Variants in GPR63 observed in about 807,000 individuals in gnomAD.
GPR63 encodes probable G protein-coupled receptor 63.
GPR63 carries 12 observed loss-of-function variants against 23.1 expected under a neutral mutation model. The observed-to-expected ratio is 0.52, with a 90% confidence interval of 0.33 to 0.84. GPR63 has a LOEUF of 0.84. GPR63 is among the 40% of genes least tolerant of loss of function. The pLI, the probability that GPR63 is intolerant of heterozygous loss-of-function variation, is 0.02. For synonymous variants in GPR63, 172 were observed against 191.1 expected, an observed-to-expected ratio of 0.90 and a Z score of 0.82; for missense variants, 472 against 515.6, an observed-to-expected ratio of 0.92 and a Z score of 0.82.
At chr6:96,811,882 AAAT>A (rs1481909327) in intron 1 of GPR63, among the ~76,000 whole-genome samples, 118 of 137,076 alleles carry the variant, frequency 8.6e-4, no homozygotes, top group African/African-American at 2.8e-3. Context: ...ATAAATAAAT[AAAT>A]AAATAAAATA....
chr6:96,810,073 A>G (rs1774002488), intron 1 of GPR63, among the ~76,000 whole-genome samples: 1 of 152,220 alleles, frequency 6.6e-6, no homozygotes, highest in Non-Finnish European at 1.5e-5. Context: ...TTAATATTAA[A>G]CAATTTAAAT....
At chr6:96,819,750 A>AC (rs1562122212) in intron 1 of GPR63, among the ~76,000 whole-genome samples, 6 of 151,898 alleles carry the variant, frequency 4.0e-5, no homozygotes, top group Non-Finnish European at 8.8e-5. Context: ...AAACAAAAAA[A>AC]AACGGGTAGA....
chr6:96,796,287 GCA>G lies in GPR63; in HGVS notation c.*2183_*2184del, dbSNP rs1773577038. On this transcript the variant is annotated 3_prime_UTR_variant, in exon 2 of 2. Transcript: ENST00000229955. ...AATCTATACCCTAGTATAGAGGAAA[GCA>G]CATTTGAGCTGGACAGGACGTTAGA... 6.6e-6 allele frequency: 1 copy of G among 152,180 alleles called. No homozygotes were observed. The highest frequency in any genetic ancestry group is 2.4e-5 in the African/African-American group (1 of 41,442). The allele number at this position is 152,180 out of a possible 1,614,324, so 9.4% of individuals were successfully genotyped here. A position where few individuals can be genotyped will look rare whatever the true frequency, so the allele number is the denominator to read the frequency against.
At chr6:96,811,626 T>C (rs979770051) in intron 1 of GPR63, among the ~76,000 whole-genome samples, 18 of 151,996 alleles carry the variant, frequency 1.2e-4, no homozygotes, top group African/African-American at 4.1e-4. Context: ...AATTGCAAAC[T>C]AAGAGAGGAA....
Position 96,796,591 on chromosome 6 carries a change from C to T in GPR63, c.*1881G>A, listed in dbSNP as rs1472055785. On this transcript the variant is annotated 3_prime_UTR_variant, in exon 2 of 2. Coordinates refer to ENST00000229955, the MANE Select transcript of GPR63 (RefSeq NM_030784.4). Reference sequence around the variant, plus strand: ...GAGAAAAACAATTTGAAATGTCAGACATGCCCTATTAAAACTTGTTCTAGG... The same window carrying T: ...GAGAAAAACAATTTGAAATGTCAGATATGCCCTATTAAAACTTGTTCTAGG... The T allele has an allele frequency of 1.3e-5, 2 of 152,226 alleles. No homozygotes were observed. Among genetic ancestry groups the T allele is most frequent in the Non-Finnish European group, 2.9e-5 (2 of 68,058 alleles). The allele number at this position is 152,226 out of a possible 1,614,324, so 9.4% of individuals were successfully genotyped here. A position where few individuals can be genotyped will look rare whatever the true frequency, so the allele number is the denominator to read the frequency against.
chr6:96,811,476 C>T (rs1774042335), intron 1 of GPR63, among the ~76,000 whole-genome samples: 1 of 152,222 alleles, frequency 6.6e-6, no homozygotes, highest in Non-Finnish European at 1.5e-5. Context: ...ATCTCTCTCT[C>T]ATTCTGGGCC....
intron 1 of GPR63, among the ~76,000 whole-genome samples, chr6:96,827,736 T>A (rs1038166543): frequency 2.6e-5 from 4 of 152,036 alleles, no homozygotes; most frequent in African/African-American, 9.7e-5. Context: ...CAGAAGACAA[T>A]GAAATGATAT....
At chr6:96,822,700 T>C (rs1315064118) in intron 1 of GPR63, among the ~76,000 whole-genome samples, 1 of 152,184 alleles carries the variant, frequency 6.6e-6, no homozygotes, top group Non-Finnish European at 1.5e-5. Context: ...CTGCTTACAA[T>C]GGGAAACAAA....
chr6:96,825,320 GA>G (rs926679279), intron 1 of GPR63, among the ~76,000 whole-genome samples: 1 of 151,984 alleles, frequency 6.6e-6, no homozygotes, highest in Non-Finnish European at 1.5e-5. Context: ...AATTGAGCAG[GA>G]AAAAAATCAG....
At chr6:96,827,799 C>T (rs2127959566) in intron 1 of GPR63, among the ~76,000 whole-genome samples, 1 of 151,994 alleles carries the variant, frequency 6.6e-6, no homozygotes, top group Middle Eastern at 3.4e-3. Context: ...TTGTCACAAA[C>T]AAAAATCTCT....
rs561043460 is a variant in GPR63 at position 96,823,223 on chromosome 6, A to G, written c.-151+14045T>C. Among the ~76,000 whole-genome samples, 3 of 152,332 alleles carry G rather than the reference A, an allele frequency of 2.0e-5. No individual in the cohort carries two copies. The South Asian group carries it at 6.2e-4, about 32-fold the overall frequency. Reference sequence around the variant, plus strand: ...AGATTTCTAAAAGTTAACATAAAACAGCCTCAAGCACATCCTTCAGGAAGT... The same window carrying G: ...AGATTTCTAAAAGTTAACATAAAACGGCCTCAAGCACATCCTTCAGGAAGT... On this transcript the variant is annotated intron_variant, in intron 1 of 1. Transcript: ENST00000229955.
intron 1 of GPR63, among the ~76,000 whole-genome samples, chr6:96,818,968 T>C (rs934554124): frequency 1.3e-5 from 2 of 152,130 alleles, no homozygotes; most frequent in African/African-American, 4.8e-5. Context: ...AACCACAAGA[T>C]ACCATCTCAC....
chr6:96,810,481 C>G (rs563879122), intron 1 of GPR63, among the ~76,000 whole-genome samples: 1 of 143,644 alleles, frequency 7.0e-6, no homozygotes, highest in East Asian at 2.0e-4. Context: ...GGCGACAGTG[C>G]GAGACTCCGT....
At chr6:96,831,079 A>G (rs1486435702) in intron 1 of GPR63, among the ~76,000 whole-genome samples, 1 of 152,234 alleles carries the variant, frequency 6.6e-6, no homozygotes, top group Non-Finnish European at 1.5e-5. Context: ...AGAGTCCAGG[A>G]GTTGGCAGCA....
chr6:96,796,368 T>C lies in GPR63; in HGVS notation c.*2104A>G, dbSNP rs951530941. ...ACAAATGAAGAAATAGAAGCTTATT[T>C]TTTCCACTGGCTCACAAAACACTAA... On this transcript the variant is annotated 3_prime_UTR_variant, in exon 2 of 2. Coordinates refer to ENST00000229955, the MANE Select transcript of GPR63 (RefSeq NM_030784.4). 94 of 152,196 alleles carry C rather than the reference T, an allele frequency of 6.2e-4. No homozygotes were observed. The highest frequency in any genetic ancestry group is 2.2e-3 in the African/African-American group (91 of 41,442). The allele number at this position is 152,196 out of a possible 1,614,324, so 9.4% of individuals were successfully genotyped here. A position where few individuals can be genotyped will look rare whatever the true frequency, so the allele number is the denominator to read the frequency against.
chr6:96,808,616 TTTTCAGAAGAG>T (rs2127948223), intron 1 of GPR63, among the ~76,000 whole-genome samples: 1 of 152,328 alleles, frequency 6.6e-6, no homozygotes, highest in South Asian at 2.1e-4. Context: ...TGTTGGCTGT[TTTTCAGAAGAG>T]TTTCACAGGC....
At chr6:96,814,575 C>T (rs1320280730) in intron 1 of GPR63, among the ~76,000 whole-genome samples, 3 of 152,126 alleles carry the variant, frequency 2.0e-5, no homozygotes, top group Non-Finnish European at 2.9e-5. Context: ...CCAGGGCGTC[C>T]GGCTCCAAAG....
In GPR63 at chr6:96,798,952, G is replaced by C; in HGVS notation, c.780C>G (p.Tyr260Ter). 6.2e-7 allele frequency: 1 copy of C among 1,614,064 alleles called. No homozygotes were observed. Among genetic ancestry groups the C allele is most frequent in the Non-Finnish European group, 8.5e-7 (1 of 1,180,004 alleles). The change falls in exon 2 of 2, where the codon TAC (tyrosine) becomes TAG (stop). Residue 260 changes from tyrosine to a stop codon, truncating the protein, a stop_gained. Transcript: ENST00000229955. LOFTEE classifies it high-confidence loss of function. ...SFFIPFLVIL[Y>*]SFMGILNTLR... is the part of the protein sequence containing the mutation. ...GGGTGTTGAGTATGCCCATAAATGA[G>C]TACAGTATTACCAGGAAGGGTATGA...
chr6:96,816,761 G>C (rs1039668648), intron 1 of GPR63, among the ~76,000 whole-genome samples: 13 of 152,148 alleles, frequency 8.5e-5, no homozygotes, highest in African/African-American at 2.7e-4. Flanking sequence ...TGAAATGCTG[G>C]GAAGCTAAGC....
Sources: gnomAD v4.1 joint callset for allele counts (sites outside exome capture counted in the v4.1 genomes callset) on GRCh38, gnomAD v4.1.1 for gene constraint, MANE v1.5 for transcripts, NCBI Gene and HGNC (gene_info 2026-07-23, HGNC 2026-07-21) for gene names.